KLF12: variants seen among roughly 807,000 people sequenced by gnomAD.
KLF12 encodes the protein Krueppel-like factor 12.
A neutral mutation model predicts 37.8 loss-of-function variants in KLF12; 9 were observed. The observed-to-expected ratio is 0.24, with a 90% confidence interval of 0.14 to 0.42. The LOEUF is 0.42. Among genes scored for constraint, KLF12 ranks in the 10% least tolerant of loss-of-function variants. The probability of loss-of-function intolerance (pLI) is 1.00; values close to 1 mark genes in which losing one functional copy is unlikely to be tolerated. For synonymous variants in KLF12, 208 were observed against 202.1 expected (o/e 1.03, Z -0.25); for missense variants, 411 against 516.0 (o/e 0.80, Z 1.97).
At chr13:74,230,405 T>C in the KLF12 span, among the ~76,000 whole-genome samples, 1 of 152,130 alleles carries the variant, frequency 6.6e-6, no homozygotes, top group Non-Finnish European at 1.5e-5. Flanking sequence ...CTAATACACG[T>C]ATCTTTAAGT....
At chr13:74,153,652 C>T in the KLF12 span, among the ~76,000 whole-genome samples, 1 of 152,212 alleles carries the variant, frequency 6.6e-6, no homozygotes, top group Non-Finnish European at 1.5e-5. Context: ...AGACCTTACT[C>T]AGCCACTGTT....
chr13:73,709,357 C>T (rs969299978), intron 7 of KLF12, among the ~76,000 whole-genome samples: 11 of 152,132 alleles, frequency 7.2e-5, no homozygotes, highest in South Asian at 4.1e-4. Flanking sequence ...GCATGGCTCT[C>T]GTAAGTCAAC....
At chr13:73,774,858 A>G (rs1392156234) in intron 5 of KLF12, among the ~76,000 whole-genome samples, 2 of 151,830 alleles carry the variant, frequency 1.3e-5, no homozygotes, top group Non-Finnish European at 2.9e-5. Context: ...ATGTTTACAA[A>G]TATAAAGTAT....
chr13:73,967,363 A>G (rs1019953590), intron 2 of KLF12, among the ~76,000 whole-genome samples: 5 of 152,244 alleles, frequency 3.3e-5, no homozygotes, highest in Admixed American at 6.5e-5. Context: ...CAAATAACGC[A>G]TGGTGTATTC....
chr13:73,887,844 T>A (rs1382696018), intron 3 of KLF12, among the ~76,000 whole-genome samples: 1 of 152,200 alleles, frequency 6.6e-6, no homozygotes, highest in Non-Finnish European at 1.5e-5. Flanking sequence ...TAAAAAATGA[T>A]TTCTGAAAAC....
chr13:74,241,759 C>A, the KLF12 span, among the ~76,000 whole-genome samples: 6 of 152,224 alleles, frequency 3.9e-5, no homozygotes, highest in Non-Finnish European at 8.8e-5. Context: ...AAGGGAACTC[C>A]CTGACCCCTT....
At chr13:73,873,422 T>C (rs1886564208) in intron 3 of KLF12, among the ~76,000 whole-genome samples, 1 of 152,166 alleles carries the variant, frequency 6.6e-6, no homozygotes, top group African/African-American at 2.4e-5. Flanking sequence ...CAAAATCTGG[T>C]TCATCAATTT....
chr13:73,905,717 A>C (rs1468311844), intron 3 of KLF12, among the ~76,000 whole-genome samples: 1 of 146,962 alleles, frequency 6.8e-6, no homozygotes, highest in Non-Finnish European at 1.5e-5. Flanking sequence ...TGGATATATA[A>C]TAAAATTTTG....
the KLF12 span, among the ~76,000 whole-genome samples, chr13:74,164,629 C>A: frequency 6.6e-6 from 1 of 152,160 alleles, no homozygotes; most frequent in East Asian, 1.9e-4. Flanking sequence ...AAGGCCTGGC[C>A]CTGATGTGAT....
At chr13:73,913,626 G>A (rs1888678457) in intron 3 of KLF12, among the ~76,000 whole-genome samples, 1 of 151,978 alleles carries the variant, frequency 6.6e-6, no homozygotes, top group African/African-American at 2.4e-5. Flanking sequence ...GGACTGGATG[G>A]GCTAATAAAT....
chr13:74,004,925 C>T (rs1892372388), intron 1 of KLF12, among the ~76,000 whole-genome samples: 4 of 151,446 alleles, frequency 2.6e-5, no homozygotes, highest in Admixed American at 2.6e-4. Flanking sequence ...GATATCCAAA[C>T]CTGTGCACAG....
the KLF12 span, among the ~76,000 whole-genome samples, chr13:74,293,467 T>G: frequency 6.6e-6 from 1 of 152,178 alleles, no homozygotes; most frequent in African/African-American, 2.4e-5. Flanking sequence ...TCCCAGACAT[T>G]CTCAACATTA....
chr13:74,065,050 T>G (rs1333936957), intron 1 of KLF12, among the ~76,000 whole-genome samples: 1 of 152,202 alleles, frequency 6.6e-6, no homozygotes, highest in Non-Finnish European at 1.5e-5. Context: ...ACTCTGCTTC[T>G]GATTCATATA....
the KLF12 span, among the ~76,000 whole-genome samples, chr13:74,201,553 TG>T: frequency 2.0e-5 from 3 of 152,198 alleles, no homozygotes; most frequent in South Asian, 2.1e-4. Flanking sequence ...AAGTTCTTTT[TG>T]ATATAATCCT....
chr13:74,023,546 T>G (rs1892899510), intron 1 of KLF12, among the ~76,000 whole-genome samples: 1 of 152,176 alleles, frequency 6.6e-6, no homozygotes, highest in African/African-American at 2.4e-5. Context: ...GAGTTTCTGG[T>G]GGTTCCAATA....
At chr13:73,789,812 GA>G (rs1386384999) in intron 5 of KLF12, among the ~76,000 whole-genome samples, 2 of 152,068 alleles carry the variant, frequency 1.3e-5, no homozygotes, top group African/African-American at 4.8e-5. Context: ...GAGTAGCTGG[GA>G]CTACAGGCGT....
At chr13:73,860,245 T>C (rs1229858712) in intron 3 of KLF12, among the ~76,000 whole-genome samples, 1 of 152,254 alleles carries the variant, frequency 6.6e-6, no homozygotes, top group Non-Finnish European at 1.5e-5. Context: ...GCCACTCTTC[T>C]GTGCTTCCAA....
chr13:74,131,853 C>T (rs554556888), intron 1 of KLF12, among the ~76,000 whole-genome samples: 1 of 152,042 alleles, frequency 6.6e-6, no homozygotes, highest in Non-Finnish European at 1.5e-5. Flanking sequence ...AACTGCTTTC[C>T]TAATTTTTAT....
chr13:73,934,006 C>G (rs1313278797), intron 3 of KLF12, among the ~76,000 whole-genome samples: 1 of 152,150 alleles, frequency 6.6e-6, no homozygotes, highest in African/African-American at 2.4e-5. Flanking sequence ...CTATTTCCCT[C>G]TCCCCCAACA....
Sources: allele counts gnomAD v4.1 joint callset (sites outside exome capture counted in the v4.1 genomes callset), GRCh38; gene constraint gnomAD v4.1.1; transcripts MANE v1.5; gene names NCBI Gene and HGNC (gene_info 2026-07-23, HGNC 2026-07-21).